KIAA1217: variants seen among roughly 807,000 people sequenced by gnomAD.
KIAA1217 encodes the protein KIAA1217, also known as sickle tail protein homolog.
Under a neutral mutation model 163.9 loss-of-function variants are expected in KIAA1217, and 88 were observed. The observed-to-expected ratio is 0.54, with a 90% CI of 0.45 to 0.64. The LOEUF (loss-of-function observed/expected upper bound fraction) is 0.64, where lower values mean the gene tolerates loss of function less well. Ranked by LOEUF, KIAA1217 falls within the 30% of genes least tolerant of loss-of-function variation. The probability of loss-of-function intolerance (pLI) is 0.00; values close to 1 mark genes in which losing one functional copy is unlikely to be tolerated. For synonymous variants in KIAA1217, 903 were observed against 923.1 expected, an observed-to-expected ratio of 0.98 and a Z score of 0.39; for missense variants, 2,372 against 2,475.0, an observed-to-expected ratio of 0.96 and a Z score of 0.88.
chr10:24,397,531 A>G (rs1041774482), intron 3 of KIAA1217, among the ~76,000 whole-genome samples: 1 of 152,216 alleles, frequency 6.6e-6, no homozygotes, highest in African/African-American at 2.4e-5. Context: ...TTGTCTGTAG[A>G]ACCTACATAC....
chr10:24,411,131 G>T (rs1015608948), intron 3 of KIAA1217, among the ~76,000 whole-genome samples: 1 of 152,106 alleles, frequency 6.6e-6, no homozygotes, highest in Non-Finnish European at 1.5e-5. Context: ...GTGTTTAAAT[G>T]GGGACTCATT....
chr10:23,946,729 T>C (rs1221122337), intron 1 of KIAA1217, among the ~76,000 whole-genome samples: 2 of 152,202 alleles, frequency 1.3e-5, no homozygotes, highest in Non-Finnish European at 2.9e-5. Context: ...AACACATCTT[T>C]CTGATAGGTA....
At chr10:24,323,788 C>T (rs1204989924) in intron 2 of KIAA1217, among the ~76,000 whole-genome samples, 11 of 144,296 alleles carry the variant, frequency 7.6e-5, no homozygotes, top group East Asian at 6.1e-4. Context: ...GTTTTCTCTT[C>T]GTGTGTGTGT....
intron 2 of KIAA1217, among the ~76,000 whole-genome samples, chr10:24,276,922 A>T (rs887423489): frequency 3.8e-5 from 5 of 131,834 alleles, no homozygotes; most frequent in East Asian, 4.3e-4. Flanking sequence ...CCAGCTAATT[A>T]AAAAAAAAAT....
At chr10:24,266,652 C>T (rs148680264) in intron 2 of KIAA1217, among the ~76,000 whole-genome samples, 289 of 152,122 alleles carry the variant, frequency 1.9e-3, no homozygotes, top group Middle Eastern at 6.8e-3. Context: ...CACCAATCAG[C>T]GCTCTGTAAA....
intron 1 of KIAA1217, among the ~76,000 whole-genome samples, chr10:23,922,431 A>T (rs1303418373): frequency 1.3e-5 from 2 of 152,196 alleles, no homozygotes; most frequent in Non-Finnish European, 2.9e-5. Context: ...GAAGGGGGTT[A>T]TGGGAATTCT....
intron 1 of KIAA1217, among the ~76,000 whole-genome samples, chr10:24,213,266 A>AGAGCC (rs1258683457): frequency 2.0e-5 from 3 of 152,208 alleles, no homozygotes; most frequent in Non-Finnish European, 4.4e-5. Flanking sequence ...CATGGGCTCT[A>AGAGCC]CATTGTGACC....
At chr10:23,700,513 A>C (rs1261996534) in intron 1 of KIAA1217, among the ~76,000 whole-genome samples, 1 of 152,130 alleles carries the variant, frequency 6.6e-6, no homozygotes, top group Non-Finnish European at 1.5e-5. Flanking sequence ...TAAAAAAAAA[A>C]AAGCCCTTAC....
intron 1 of KIAA1217, among the ~76,000 whole-genome samples, chr10:23,755,348 G>A (rs1016386540): frequency 1.3e-5 from 2 of 152,222 alleles, no homozygotes; most frequent in East Asian, 3.9e-4. Context: ...CCATATCCAG[G>A]GAATTAAGAG....
chr10:23,934,625 A>ATATATT (rs1554826424), intron 1 of KIAA1217, among the ~76,000 whole-genome samples: 1 of 68,550 alleles, frequency 1.5e-5, no homozygotes, highest in African/African-American at 9.2e-5. Context: ...ATATATATAT[A>ATATATT]TTTTTTTTTT....
intron 2 of KIAA1217, among the ~76,000 whole-genome samples, chr10:24,052,633 A>G (rs978200768): frequency 6.6e-6 from 1 of 152,112 alleles, no homozygotes; most frequent in Non-Finnish European, 1.5e-5. Context: ...GCCACTTTAC[A>G]TTTAAAATAC....
intron 2 of KIAA1217, among the ~76,000 whole-genome samples, chr10:24,202,721 C>T (rs1308021108): frequency 1.3e-5 from 2 of 152,208 alleles, no homozygotes; most frequent in Non-Finnish European, 2.9e-5. Flanking sequence ...TCCCTGGCAT[C>T]ACAGTCTTAG....
intron 5 of KIAA1217, among the ~76,000 whole-genome samples, chr10:24,442,975 A>C (rs550521080): frequency 6.7e-6 from 1 of 149,394 alleles, no homozygotes; most frequent in South Asian, 2.1e-4. Context: ...CAGTGTTGCA[A>C]TCTCGGCTCA....
At chr10:24,088,631 T>C (rs1329145406) in intron 2 of KIAA1217, among the ~76,000 whole-genome samples, 1 of 123,354 alleles carries the variant, frequency 8.1e-6, no homozygotes, top group East Asian at 1.9e-4. Context: ...GAACTTATCA[T>C]TTTTTATGGC....
At chr10:24,515,701 A>G (rs905080193) in intron 10 of KIAA1217, among the ~76,000 whole-genome samples, 2 of 152,198 alleles carry the variant, frequency 1.3e-5, no homozygotes, top group African/African-American at 4.8e-5. Context: ...AGGGATCAGG[A>G]AGACTTAACC....
At chr10:23,878,035 G>A (rs1307250036) in intron 1 of KIAA1217, among the ~76,000 whole-genome samples, 1 of 151,892 alleles carries the variant, frequency 6.6e-6, no homozygotes, top group Non-Finnish European at 1.5e-5. Context: ...ACACAGATGC[G>A]TATTGTCACA....
intron 2 of KIAA1217, among the ~76,000 whole-genome samples, chr10:24,321,443 G>T (rs1174582123): frequency 1.3e-5 from 2 of 152,042 alleles, no homozygotes; most frequent in Non-Finnish European, 2.9e-5. Flanking sequence ...GGAGGCGGGA[G>T]AATTGCTTGA....
In KIAA1217 at chr10:23,927,241, T is replaced by C. The variant is rs187269115; in HGVS notation, c.-320-79984T>C. Among the ~76,000 whole-genome samples, 24 of 152,118 alleles carry C rather than the reference T, an allele frequency of 1.6e-4. No individual in the cohort carries two copies. In the East Asian group the frequency reaches 4.4e-3, roughly 28 times the overall value. On this transcript the variant is annotated intron_variant, in intron 1 of 18. Coordinates refer to the KIAA1217 transcript ENST00000376462. ...CCTGGTCTATCTTATTTATTTTAAC[T>C]GCCTGAAAATTTTTACTATAAGTTA...
chr10:23,873,167 C>T (rs1840539936), intron 1 of KIAA1217, among the ~76,000 whole-genome samples: 1 of 151,972 alleles, frequency 6.6e-6, no homozygotes, highest in African/African-American at 2.4e-5. Context: ...GATCATTAAA[C>T]CTAGGGACAA....
Sources: allele counts gnomAD v4.1 joint callset (sites outside exome capture counted in the v4.1 genomes callset), GRCh38; gene constraint gnomAD v4.1.1; transcripts MANE v1.5; gene names NCBI Gene and HGNC (gene_info 2026-07-23, HGNC 2026-07-21).